Variants in ARHGEF10 observed in about 807,000 individuals in gnomAD.
The protein encoded by ARHGEF10 is Rho guanine nucleotide exchange factor (GEF) 10.
In ARHGEF10, 140 loss-of-function variants were observed where a neutral mutation model predicts 147.4. The observed-to-expected ratio is 0.95, with a 90% CI of 0.83 to 1.09. The LOEUF is 1.09. Ranked by LOEUF, ARHGEF10 falls within the 50% of genes least tolerant of loss-of-function variation. The pLI is 0.00. For missense variants in ARHGEF10, 2,222 were observed against 1,752.7 expected, an observed-to-expected ratio of 1.27 and a Z score of -4.78; for synonymous variants, 902 against 695.8, an observed-to-expected ratio of 1.30 and a Z score of -4.67.
intron 14 of ARHGEF10, 47 bp from the exon 15 acceptor site, chr8:1,898,386 G>A (rs1299974644): frequency 6.4e-7 from 1 of 1,565,484 alleles, no homozygotes; most frequent in South Asian, 1.1e-5. Context: ...GGGCAGGGAG[G>A]GCATGGCAGC....
chr8:1,831,750 T>C (rs1228532284), intron 1 of ARHGEF10, among the ~76,000 whole-genome samples: 7 of 152,214 alleles, frequency 4.6e-5, no homozygotes, highest in Non-Finnish European at 8.8e-5. Flanking sequence ...CGTGCACTGC[T>C]CGCTCCTGGA....
chr8:1,918,962 G>A (rs908128112), intron 18 of ARHGEF10, among the ~76,000 whole-genome samples: 5 of 151,938 alleles, frequency 3.3e-5, no homozygotes, highest in Non-Finnish European at 7.4e-5. Context: ...CTGTTCTGTG[G>A]GTGACGGAGC....
At chr8:1,926,955 C>T (rs1812739037) in intron 23 of ARHGEF10, 1 of 245,176 alleles carries the variant, frequency 4.1e-6, no homozygotes, top group Non-Finnish European at 8.0e-6. Context: ...GCTCTCCCCT[C>T]TCTGGTTTCC....
intron 11 of ARHGEF10, among the ~76,000 whole-genome samples, chr8:1,886,829 T>A (rs1808700548): frequency 6.6e-6 from 1 of 151,826 alleles, no homozygotes. Flanking sequence ...GAGGAAGGGG[T>A]CGTGTCTGAT....
At chr8:1,866,840 G>A (rs1035707786) in intron 6 of ARHGEF10, among the ~76,000 whole-genome samples, 21 of 152,170 alleles carry the variant, frequency 1.4e-4, no homozygotes, top group Admixed American at 1.3e-3. Context: ...CTTCCTGGTC[G>A]TTTCTTTCTA....
Position 1,937,425 on chromosome 8 carries a change from A to G in ARHGEF10, c.3222+3483A>G, listed in dbSNP as rs1813705529. 6.6e-6 allele frequency among the ~76,000 whole-genome samples: 1 copy of G among 152,146 alleles called. No homozygotes were observed. Among genetic ancestry groups the G allele is most frequent in the African/African-American group, 2.4e-5 (1 of 41,442 alleles). On this transcript the variant is annotated intron_variant, in intron 26 of 28. Transcript: ENST00000349830. This position sits in a 1 kb window ranked among gnomAD's most constrained non-coding sequence, Gnocchi z 4.9. The stretch of plus-strand genomic sequence containing the variant: ...TGGATCAGCCGCCTACCTGGGTCTC[A>G]ATTGTCTGAGCTGACAGCTGGGGGT...
At chr8:1,827,306 TA>T in intron 1 of ARHGEF10, among the ~76,000 whole-genome samples, 1 of 152,214 alleles carries the variant, frequency 6.6e-6, no homozygotes, top group Non-Finnish European at 1.5e-5. Context: ...CAAATTTTGA[TA>T]AAAAAGTGAT....
chr8:1,833,420 A>ACAGAGACAGAGACAGAGGCAGGGG (rs1803386543), intron 1 of ARHGEF10, among the ~76,000 whole-genome samples: 1 of 148,902 alleles, frequency 6.7e-6, no homozygotes, highest in East Asian at 1.9e-4. Flanking sequence ...AGAGGCAGAG[A>ACAGAGACAGAGACAGAGGCAGGGG]CAGAGACAGA....
chr8:1,860,821 A>G (rs60049301), intron 4 of ARHGEF10, among the ~76,000 whole-genome samples: 11,634 of 151,894 alleles, frequency 0.077, 502 homozygotes, highest in African/African-American at 0.12. Context: ...CTGCTTGTCT[A>G]TAGACTCAGA....
chr8:1,948,583 T>C lies in ARHGEF10; in HGVS notation c.3397+2928T>C, dbSNP rs1814779720. On this transcript the variant is annotated intron_variant, in intron 27 of 28. Coordinates refer to ENST00000349830, the MANE Select transcript of ARHGEF10 (RefSeq NM_014629.4). This position sits in a 1 kb window ranked among gnomAD's most constrained non-coding sequence, Gnocchi z 4.9. ...CTCGGTGACACCAGAAGTTCAGTTTTGTTTGTGATGCTTCTGACAGTGATT... is the reference window on the plus strand; with the variant it reads ...CTCGGTGACACCAGAAGTTCAGTTTCGTTTGTGATGCTTCTGACAGTGATT... Among the ~76,000 whole-genome samples the C allele has an allele frequency of 2.0e-5, 3 of 152,136 alleles. No individual in the cohort carries two copies. The highest frequency in any genetic ancestry group is 6.5e-5 in the Admixed American group (1 of 15,272).
intron 15 of ARHGEF10, among the ~76,000 whole-genome samples, chr8:1,900,590 T>A (rs1810373075): frequency 6.6e-6 from 1 of 152,224 alleles, no homozygotes; most frequent in Admixed American, 6.5e-5. Flanking sequence ...GGGCATGGCC[T>A]GCCTGTTACA....
At chr8:1,845,007 T>G (rs1183773962) in intron 2 of ARHGEF10, among the ~76,000 whole-genome samples, 1 of 152,156 alleles carries the variant, frequency 6.6e-6, no homozygotes, top group Non-Finnish European at 1.5e-5. Flanking sequence ...TGCATGATGG[T>G]GCATGCCTGT....
At chr8:1,898,621 C>T in intron 15 of ARHGEF10, 96 bp downstream of exon 15, 1 of 1,238,886 alleles carries the variant, frequency 8.1e-7, no homozygotes, top group East Asian at 2.5e-5. Context: ...GAATGGCTGC[C>T]CCTCGGGCCT....
chr8:1,873,773 C>G (rs1240982619), intron 7 of ARHGEF10, among the ~76,000 whole-genome samples: 1 of 150,634 alleles, frequency 6.6e-6, no homozygotes, highest in Non-Finnish European at 1.5e-5. Context: ...CATTTCTTCA[C>G]TCGTTTAGAG....
chr8:1,881,808 C>T (rs1272874242), intron 9 of ARHGEF10, among the ~76,000 whole-genome samples: 1 of 152,206 alleles, frequency 6.6e-6, no homozygotes, highest in African/African-American at 2.4e-5. Context: ...GCCTGGTTCT[C>T]AGCTGCACTG....
intron 2 of ARHGEF10, among the ~76,000 whole-genome samples, chr8:1,846,600 C>T (rs957108136): frequency 4.0e-5 from 6 of 151,340 alleles, no homozygotes; most frequent in South Asian, 2.1e-4. Context: ...TTTTTTGAGA[C>T]GGAGTCTCGC....
At chr8:1,896,818 C>G (rs1810012493) in intron 14 of ARHGEF10, among the ~76,000 whole-genome samples, 2 of 152,160 alleles carry the variant, frequency 1.3e-5, no homozygotes, top group Non-Finnish European at 2.9e-5. Context: ...GGGAGAGGCA[C>G]CGGCCTGGAG....
intron 2 of ARHGEF10, among the ~76,000 whole-genome samples, chr8:1,854,310 C>T (rs1361128302): frequency 2.0e-5 from 3 of 152,170 alleles, no homozygotes; most frequent in African/African-American, 4.8e-5. Context: ...TCCAGGCGGC[C>T]TCGCCCTCTG....
chr8:1,929,618 T>G (rs539974520), intron 25 of ARHGEF10, among the ~76,000 whole-genome samples, 175 bp downstream of exon 25: 120 of 147,010 alleles, frequency 8.2e-4, no homozygotes, highest in Middle Eastern at 3.5e-3. Flanking sequence ...CCCCAAAAGG[T>G]GTTTGTTGAA....
Sources: allele counts gnomAD v4.1 joint callset (sites outside exome capture counted in the v4.1 genomes callset), GRCh38; gene constraint gnomAD v4.1.1; non-coding constraint Gnocchi (gnomAD v3.1); transcripts MANE v1.5; gene names NCBI Gene and HGNC (gene_info 2026-07-23, HGNC 2026-07-21).